Variants in CARMIL1 observed in about 807,000 individuals in gnomAD.
CARMIL1 encodes the protein capping protein regulator and myosin 1 linker 1.
CARMIL1 carries 90 observed loss-of-function variants against 177.1 expected under a neutral mutation model. The ratio of observed to expected loss-of-function variants is 0.51; its 90% CI spans 0.43 to 0.61. CARMIL1 has a LOEUF of 0.61. Ranked by LOEUF, CARMIL1 falls within the 20% of genes least tolerant of loss-of-function variation. The pLI, the probability that CARMIL1 is intolerant of heterozygous loss-of-function variation, is 0.00. For synonymous variants in CARMIL1, 577 were observed against 606.2 expected, an observed-to-expected ratio of 0.95 and a Z score of 0.71; for missense variants, 1,380 against 1,667.0, an observed-to-expected ratio of 0.83 and a Z score of 3.00.
At chr6:25,490,625 G>C (rs1803107888) in intron 13 of CARMIL1, among the ~76,000 whole-genome samples, 1 of 151,818 alleles carries the variant, frequency 6.6e-6, no homozygotes, top group Non-Finnish European at 1.5e-5. Context: ...TTGATGCCGG[G>C]AAGTGGAGGT....
chr6:25,308,912 T>G (rs987374027), intron 2 of CARMIL1, among the ~76,000 whole-genome samples: 2 of 152,328 alleles, frequency 1.3e-5, no homozygotes, highest in East Asian at 3.9e-4. Context: ...GAATCAACTA[T>G]TAATTCAACA....
At chr6:25,608,455 T>G (rs753716802) in intron 35 of CARMIL1, among the ~76,000 whole-genome samples, 1 of 152,214 alleles carries the variant, frequency 6.6e-6, no homozygotes, top group African/African-American at 2.4e-5. Context: ...ACTGGAGGTC[T>G]TGGATTGTAT....
At chr6:25,311,016 A>C (rs931156439) in intron 2 of CARMIL1, among the ~76,000 whole-genome samples, 1 of 143,738 alleles carries the variant, frequency 7.0e-6, no homozygotes, top group Admixed American at 6.8e-5. Context: ...TTCCATCTCT[A>C]CTAAAAATAC....
At chr6:25,413,935 G>C (rs1543602) in intron 2 of CARMIL1, among the ~76,000 whole-genome samples, 78,442 of 151,984 alleles carry the variant, frequency 0.52, 20,578 homozygotes, top group Middle Eastern at 0.59. Flanking sequence ...TTGTTCTTTT[G>C]ACAAAAACAA....
intron 2 of CARMIL1, among the ~76,000 whole-genome samples, chr6:25,308,177 TG>T (rs1783431013): frequency 6.6e-6 from 1 of 152,218 alleles, no homozygotes; most frequent in South Asian, 2.1e-4. Flanking sequence ...TCTCTTTTGG[TG>T]GCTTGCTGTT....
At chr6:25,289,748 T>G (rs1281177651) in intron 2 of CARMIL1, among the ~76,000 whole-genome samples, 1 of 152,246 alleles carries the variant, frequency 6.6e-6, no homozygotes, top group Non-Finnish European at 1.5e-5. Context: ...TCCCTGGACC[T>G]TCATCCAAGT....
At chr6:25,573,847 G>A (rs1255336284) in intron 29 of CARMIL1, among the ~76,000 whole-genome samples, 1 of 151,992 alleles carries the variant, frequency 6.6e-6, no homozygotes, top group African/African-American at 2.4e-5. Context: ...TTACATGTGA[G>A]GTTCATGATA....
chr6:25,567,772 G>A (rs1434127309), intron 29 of CARMIL1, among the ~76,000 whole-genome samples: 1 of 152,120 alleles, frequency 6.6e-6, no homozygotes, highest in African/African-American at 2.4e-5. Context: ...TTTAAGATTA[G>A]GTCACAGTAG....
chr6:25,339,164 C>T (rs995079680), intron 2 of CARMIL1, among the ~76,000 whole-genome samples: 2 of 152,120 alleles, frequency 1.3e-5, no homozygotes, highest in African/African-American at 2.4e-5. Context: ...GTAGCGTCAC[C>T]TCTCTCATAC....
At chr6:25,309,500 A>G (rs1783594433) in intron 2 of CARMIL1, among the ~76,000 whole-genome samples, 1 of 151,786 alleles carries the variant, frequency 6.6e-6, no homozygotes, top group Admixed American at 6.6e-5. Flanking sequence ...TTTAACCCCA[A>G]AAAGAAACCT....
chr6:25,488,407 G>A lies in CARMIL1; in HGVS notation c.962-75G>A, dbSNP rs2150988202. 11 of 1,029,960 alleles carry A rather than the reference G, an allele frequency of 1.1e-5. No individual in the cohort carries two copies. In the South Asian group the frequency reaches 1.4e-4, roughly 13 times the overall value. The allele number at this position is 1,029,960 out of a possible 1,614,324, so 63.8% of individuals were successfully genotyped here. Reference sequence around the variant, plus strand: ...GTCCTGCAATTTGATGGAAGTGTTGGGCCATTTATAGAAACACAAACCTCA... The same window carrying A: ...GTCCTGCAATTTGATGGAAGTGTTGAGCCATTTATAGAAACACAAACCTCA... On this transcript the variant is annotated intron_variant, in intron 12 of 36. Transcript: ENST00000329474.
rs531942236 is a variant in CARMIL1 at position 25,559,488 on chromosome 6, G to A, written c.2742+2638G>A. 2.0e-5 allele frequency among the ~76,000 whole-genome samples: 3 copies of A among 152,266 alleles called. No homozygotes were observed. The South Asian group carries it at 6.2e-4, about 32-fold the overall frequency. ...TGTTGTGTAGAAAACTATCAGAAGGGCAAGTACATAAGTACATGCACGCAA... is the reference window on the plus strand; with the variant it reads ...TGTTGTGTAGAAAACTATCAGAAGGACAAGTACATAAGTACATGCACGCAA... On this transcript the variant is annotated intron_variant, in intron 29 of 36. Coordinates refer to ENST00000329474, the MANE Select transcript of CARMIL1 (RefSeq NM_017640.6).
chr6:25,341,202 A>C (rs1355312619), intron 2 of CARMIL1, among the ~76,000 whole-genome samples: 1 of 152,196 alleles, frequency 6.6e-6, no homozygotes, highest in African/African-American at 2.4e-5. Flanking sequence ...TCATTTACAT[A>C]GCTAGTTAAG....
rs1582494616 is a variant in CARMIL1, at chr6:25,602,142, C to G, written c.3552+1396C>G. On this transcript the variant is annotated intron_variant, in intron 33 of 36. Coordinates refer to ENST00000329474, the MANE Select transcript of CARMIL1 (RefSeq NM_017640.6). Reference sequence around the variant, plus strand: ...TCTTACAACTATTTACCAAAGTTCTCCCACCAACATCAACATTATTTAGCA... The same window carrying G: ...TCTTACAACTATTTACCAAAGTTCTGCCACCAACATCAACATTATTTAGCA... Among the ~76,000 whole-genome samples the G allele has an allele frequency of 2.0e-5, 3 of 152,308 alleles. No individual in the cohort carries two copies. In the East Asian group the frequency reaches 5.8e-4, roughly 29 times the overall value.
intron 23 of CARMIL1, among the ~76,000 whole-genome samples, chr6:25,521,725 A>G (rs970964161): frequency 1.3e-5 from 2 of 149,650 alleles, no homozygotes; most frequent in Admixed American, 6.7e-5. Context: ...GCTGAGATCC[A>G]TGCCACTGCA....
intron 16 of CARMIL1, 76 bp downstream of exon 16, chr6:25,495,291 A>G: frequency 1.0e-6 from 1 of 956,396 alleles, no homozygotes; most frequent in Non-Finnish European, 1.6e-6. Context: ...GGGAAGGGAG[A>G]AAGATATATA....
Position 25,478,098 on chromosome 6 carries a change from G to A in CARMIL1, c.875-4159G>A, listed in dbSNP as rs373578450. 4.4e-4 allele frequency among the ~76,000 whole-genome samples: 67 copies of A among 151,974 alleles called. 1 individual carries two copies. The East Asian group carries it at 7.2e-3, about 16-fold the overall frequency. ...TCTCCACTCACTCTATTCAAAATTC[G>A]ATTATTTCATTTAGACACCATTTAG... On this transcript the variant is annotated intron_variant, in intron 11 of 36. Transcript: ENST00000329474.
chr6:25,539,136 A>G (rs1217021007), intron 25 of CARMIL1, among the ~76,000 whole-genome samples: 1 of 152,050 alleles, frequency 6.6e-6, no homozygotes, highest in East Asian at 1.9e-4. Flanking sequence ...TCTGTAAGTC[A>G]TTTTAGCAAA....
chr6:25,409,945 T>C (rs1440378478), intron 2 of CARMIL1, among the ~76,000 whole-genome samples: 2 of 152,226 alleles, frequency 1.3e-5, no homozygotes, highest in African/African-American at 4.8e-5. Flanking sequence ...CTGTAAATTA[T>C]ATACCTACCT....
Sources: gnomAD v4.1 joint callset for allele counts (sites outside exome capture counted in the v4.1 genomes callset) on GRCh38, gnomAD v4.1.1 for gene constraint, MANE v1.5 for transcripts, NCBI Gene and HGNC (gene_info 2026-07-23, HGNC 2026-07-21) for gene names.